Variants in ZNF329 observed in about 807,000 individuals in gnomAD.
ZNF329 encodes zinc finger protein 329.
Under a neutral mutation model 26.6 loss-of-function variants are expected in ZNF329, and 15 were observed. The ratio of observed to expected loss-of-function variants is 0.56; its 90% confidence interval spans 0.38 to 0.87. The LOEUF is 0.87. Ranked by LOEUF, ZNF329 falls within the 40% of genes least tolerant of loss-of-function variation. The probability of loss-of-function intolerance (pLI) is 0.00; values close to 1 mark genes in which losing one functional copy is unlikely to be tolerated. For missense variants in ZNF329, 651 were observed against 651.9 expected (o/e 1.00, Z 0.02); for synonymous variants, 239 against 233.5 (o/e 1.02, Z -0.21).
Position 58,142,667 on chromosome 19 carries a change from G to T in ZNF329, c.-113-6C>A, listed in dbSNP as rs1271632081. On this transcript the variant is annotated splice_polypyrimidine_tract_variant and splice_region_variant and intron_variant, in intron 2 of 3. Coordinates refer to ENST00000598312, the MANE Select transcript of ZNF329 (RefSeq NM_024620.4). The stretch of plus-strand genomic sequence containing the variant: ...CCACACGGCTCCAGCCATCTCTGTG[G>T]GACACCCATAATAATGTTTACTTTA... The T allele has an allele frequency of 2.0e-5, 3 of 152,560 alleles. No homozygotes were observed. The highest frequency in any genetic ancestry group is 2.0e-4 in the Admixed American group (3 of 15,272). The allele number at this position is 152,560 out of a possible 1,614,324, so 9.5% of individuals were successfully genotyped here.
At chr19:58,136,705 A>T (rs1006287267) in intron 3 of ZNF329, 1 of 150,946 alleles carries the variant, frequency 6.6e-6, no homozygotes, top group African/African-American at 2.4e-5. Flanking sequence ...AAAAAAAAAA[A>T]AAAGGGACTA....
At chr19:58,131,117 A>G (rs556614451) in intron 3 of ZNF329, among the ~76,000 whole-genome samples, 2,660 of 146,888 alleles carry the variant, frequency 0.018, 77 homozygotes, top group African/African-American at 0.062. Context: ...GTATATGTGT[A>G]TATGTGTGTG....
At chr19:58,149,641 G>GA (rs993919682) in intron 1 of ZNF329, among the ~76,000 whole-genome samples, 6 of 151,858 alleles carry the variant, frequency 4.0e-5, no homozygotes, top group African/African-American at 1.2e-4. Context: ...CTTGCTGTGG[G>GA]AAAAAAGAAA....
chr19:58,128,071 G>C lies in ZNF329; in HGVS notation c.1433C>G (p.Thr478Ser), dbSNP rs758445523. 1 of 1,611,648 alleles carries C rather than the reference G, an allele frequency of 6.2e-7. No homozygotes were observed. Among genetic ancestry groups the C allele is most frequent in the South Asian group, 1.1e-5 (1 of 90,904 alleles). Residue 478 changes from threonine (T) to serine (S), a missense_variant, in exon 4 of 4, where the codon ACT (threonine) becomes AGT (serine). Coordinates refer to ENST00000598312, the MANE Select transcript of ZNF329 (RefSeq NM_024620.4). ...SCLTKHQRIH[T>S]KETPYQCPEC... The stretch of plus-strand genomic sequence containing the variant: ...TGGACACTGATATGGGGTCTCCTTA[G>C]TGTGAATTCTCTGGTGCTTGGTCAG...
Position 58,128,376 on chromosome 19 carries a change from G to A in ZNF329, c.1128C>T (p.Cys376=), listed in dbSNP as rs115464089. ...GAGAGTTTCTGTTGAAGGATTTCCC[G>A]CACTCTGCACACTCAAAGGGCTTTT... ...TGEKPFECAE[C]GKSFNRNSHL... The change falls in exon 4 of 4, where the codon TGC becomes TGT. Residue 376 remains cysteine (C), a synonymous_variant. Transcript: ENST00000598312. 4.3e-5 allele frequency: 70 copies of A among 1,613,874 alleles called. No individual in the cohort carries two copies. Among genetic ancestry groups the A allele is most frequent in the Middle Eastern group, 1.6e-4 (1 of 6,062 alleles).
At chr19:58,149,614 A>G (rs2075403831) in intron 1 of ZNF329, among the ~76,000 whole-genome samples, 1 of 152,234 alleles carries the variant, frequency 6.6e-6, no homozygotes, top group Non-Finnish European at 1.5e-5. Flanking sequence ...AACAAGCAGT[A>G]GAATGGAGGA....
chr19:58,130,411 G>A (rs1295130880), intron 3 of ZNF329, among the ~76,000 whole-genome samples: 1 of 151,764 alleles, frequency 6.6e-6, no homozygotes, highest in East Asian at 1.9e-4. Context: ...CGGTGGTCAC[G>A]CCTGTAATCC....
At position 58,129,394 on chromosome 19, in the gene ZNF329, C is replaced by T; in HGVS notation, c.110G>A (p.Gly37Asp). 3 of 1,614,200 alleles carry T rather than the reference C, an allele frequency of 1.9e-6. No homozygotes were observed. Among genetic ancestry groups the T allele is most frequent in the Non-Finnish European group, 2.5e-6 (3 of 1,180,034 alleles). ...TCCCTCCTGGTTCTCACAGTCCCAA[C>T]CATCACCTAAACTGGACAAGCAGGG... ...EVPCLSSLGD[G>D]WDCENQEGHL... Residue 37 changes from glycine to aspartate, a missense_variant, in exon 4 of 4, where the codon GGT becomes GAT. Physicochemically the swap from Gly to Asp is moderately conservative, Grantham distance 94. Transcript: ENST00000598312.
intron 1 of ZNF329, among the ~76,000 whole-genome samples, chr19:58,146,242 G>A (rs1482964296): frequency 1.3e-5 from 2 of 152,164 alleles, no homozygotes; most frequent in African/African-American, 4.8e-5. Flanking sequence ...AGGAGGCCAA[G>A]GTGGGCAGAT....
In ZNF329 at chr19:58,128,792, T is replaced by A. The variant is rs2074863801; in HGVS notation, c.712A>T (p.Lys238Ter). The change falls in exon 4 of 4, where the codon AAG (lysine) becomes TAG (stop). Residue 238 changes from lysine (K) to a stop codon, truncating the protein, a stop_gained. Transcript: ENST00000598312. LOFTEE classifies it high-confidence loss of function. ...AGGTTGTAGTTCTTGGAGAAGGACT[T>A]TCCACACTCATTACAAGTATAAGGC... ...EKPYTCNECG[K>*]SFSKNYNLIV... 6.2e-7 allele frequency: 1 copy of A among 1,600,996 alleles called. No individual in the cohort carries two copies. The highest frequency in any genetic ancestry group is 8.5e-7 in the Non-Finnish European group (1 of 1,174,112).
At chr19:58,137,502 C>T (rs1276233903) in intron 3 of ZNF329, among the ~76,000 whole-genome samples, 2 of 151,796 alleles carry the variant, frequency 1.3e-5, no homozygotes, top group Admixed American at 6.6e-5. Context: ...TGCAGTGAGC[C>T]GAGATCGTGC....
chr19:58,138,644 G>C (rs1038256739), intron 3 of ZNF329, among the ~76,000 whole-genome samples: 2 of 152,186 alleles, frequency 1.3e-5, no homozygotes, highest in Non-Finnish European at 2.9e-5. Context: ...GTGAAAACAA[G>C]GGACTTGAAA....
rs2074837671 is a variant in ZNF329 at position 58,127,953 on chromosome 19, T to C, written c.1551A>G (p.Gly517=). The C allele has an allele frequency of 2.5e-6, 4 of 1,613,756 alleles. No individual in the cohort carries two copies. The highest frequency in any genetic ancestry group is 1.3e-5 in the African/African-American group (1 of 75,018). The change falls in exon 4 of 4, where the codon GGA becomes GGG. Residue 517 remains glycine (G), a synonymous_variant. Transcript: ENST00000598312. ...REGPSRCPQC[G]KMFQKSSSLV... The stretch of plus-strand genomic sequence containing the variant: ...GGGATGAGCTCTTTTGGAACATTTT[T>C]CCACACTGAGGACACCGGCTGGGAC...
At chr19:58,152,117 A>G (rs2075465878), upstream of ZNF329, among the ~76,000 whole-genome samples, 5 of 152,336 alleles carry the variant, frequency 3.3e-5, no homozygotes, top group South Asian at 1.0e-3. Context: ...CAATTAGCAA[A>G]AGCAATAAAG....
intron 3 of ZNF329, chr19:58,132,501 G>A (rs1454874127): frequency 6.6e-6 from 1 of 152,064 alleles, no homozygotes; most frequent in African/African-American, 2.4e-5. Context: ...ACCAGCCTGG[G>A]CAACTATGTC....
intron 3 of ZNF329, among the ~76,000 whole-genome samples, chr19:58,130,601 G>A (rs957487983): frequency 6.7e-6 from 1 of 150,000 alleles, no homozygotes; most frequent in Non-Finnish European, 1.5e-5. Flanking sequence ...GCGAACCCGG[G>A]AGGCGGAGCT....
intron 3 of ZNF329, among the ~76,000 whole-genome samples, chr19:58,141,679 C>A (rs1430878044): frequency 5.3e-5 from 8 of 152,048 alleles, no homozygotes; most frequent in Admixed American, 2.6e-4. Flanking sequence ...ATCATTTGAG[C>A]TCAGGAATTC....
chr19:58,147,201 C>T lies in ZNF329; in HGVS notation c.-208+3551G>A, dbSNP rs1362618074. 3.1e-3 allele frequency among the ~76,000 whole-genome samples: 467 copies of T among 149,858 alleles called. 3 individuals carry two copies. Among genetic ancestry groups the T allele is most frequent in the African/African-American group, 0.011 (455 of 40,372 alleles). On this transcript the variant is annotated intron_variant, in intron 1 of 3. Transcript: ENST00000598312. Reference sequence around the variant, plus strand: ...TGTGAGGAGCGCCTCTGCCCGGCCGCGACCCCGTCTGGGAGGTGAGGAGCG... The same window carrying T: ...TGTGAGGAGCGCCTCTGCCCGGCCGTGACCCCGTCTGGGAGGTGAGGAGCG...
At chr19:58,150,200 T>C (rs922527368) in intron 1 of ZNF329, among the ~76,000 whole-genome samples, 1 of 152,130 alleles carries the variant, frequency 6.6e-6, no homozygotes, top group African/African-American at 2.4e-5. Context: ...TCACTGAGAA[T>C]TGCAGTAAAA....
Sources: allele counts gnomAD v4.1 joint callset (sites outside exome capture counted in the v4.1 genomes callset), GRCh38; gene constraint gnomAD v4.1.1; transcripts MANE v1.5; gene names NCBI Gene and HGNC (gene_info 2026-07-23, HGNC 2026-07-21).